The following FAIM variants were observed in gnomAD, a reference collection of about 807,000 sequenced individuals.
FAIM encodes Fas apoptotic inhibitory molecule, also known as fas apoptotic inhibitory molecule 1.
FAIM carries 14 observed loss-of-function variants against 21.2 expected under a neutral mutation model. The observed-to-expected ratio is 0.66, with a 90% CI of 0.44 to 1.03. The LOEUF is 1.03. Among genes scored for constraint, FAIM ranks in the 50% least tolerant of loss-of-function variants. The pLI is 0.00. For synonymous variants in FAIM, 86 were observed against 80.4 expected (o/e 1.07, Z -0.37); for missense variants, 222 against 247.1 (o/e 0.90, Z 0.68).
chr3:138,625,255 G>C (rs2042927214), intron 4 of FAIM, among the ~76,000 whole-genome samples: 1 of 152,120 alleles, frequency 6.6e-6, no homozygotes, highest in Non-Finnish European at 1.5e-5. Context: ...TTGAGGTCAG[G>C]AGTTCGAGAC....
intron 4 of FAIM, among the ~76,000 whole-genome samples, chr3:138,623,923 CAG>C (rs2042914187): frequency 6.6e-6 from 1 of 152,148 alleles, no homozygotes; most frequent in South Asian, 2.1e-4. Flanking sequence ...TTGTTCAGTA[CAG>C]AGTTTTAATT....
At chr3:138,621,794 T>C (rs572702985) in intron 3 of FAIM, among the ~76,000 whole-genome samples, 2 of 152,172 alleles carry the variant, frequency 1.3e-5, no homozygotes, top group African/African-American at 4.8e-5. Flanking sequence ...TTTTTTTTCT[T>C]TTTTTTGAGA....
At chr3:138,617,873 T>C (rs933261932) in intron 1 of FAIM, among the ~76,000 whole-genome samples, 1 of 146,738 alleles carries the variant, frequency 6.8e-6, no homozygotes, top group East Asian at 1.9e-4. Flanking sequence ...TAATTAGATA[T>C]CTAATTAGAT....
intron 5 of FAIM, 23 bp downstream of exon 5, chr3:138,629,179 C>T: frequency 6.3e-7 from 1 of 1,586,184 alleles, no homozygotes; most frequent in South Asian, 1.1e-5. Context: ...TTTGATGACT[C>T]TAAGTGCCAT....
chr3:138,613,196 T>C (rs111955139), intron 1 of FAIM, among the ~76,000 whole-genome samples: 38 of 152,058 alleles, frequency 2.5e-4, no homozygotes, highest in African/African-American at 8.9e-4. Flanking sequence ...TTTTTTGTAT[T>C]TTTAGTAGAA....
chr3:138,631,804 G>A (rs1230226233), intron 5 of FAIM, among the ~76,000 whole-genome samples: 1 of 152,050 alleles, frequency 6.6e-6, no homozygotes, highest in Non-Finnish European at 1.5e-5. Context: ...TATTAAAAAT[G>A]GGGACAAGAA....
intron 4 of FAIM, among the ~76,000 whole-genome samples, chr3:138,627,291 C>T (rs1217171997): frequency 3.3e-5 from 5 of 151,624 alleles, no homozygotes; most frequent in Admixed American, 6.6e-5. Flanking sequence ...AAGCAATTCT[C>T]CTGCCTCAGC....
At chr3:138,629,410 TCC>T (rs1439378872) in intron 5 of FAIM, 3 of 246,800 alleles carry the variant, frequency 1.2e-5, no homozygotes, top group African/African-American at 1.0e-4. Context: ...TGGACCAGGC[TCC>T]AGCATAGCAA....
At chr3:138,611,361 TATA>T (rs1467289873) in intron 1 of FAIM, among the ~76,000 whole-genome samples, 3 of 152,100 alleles carry the variant, frequency 2.0e-5, no homozygotes, top group African/African-American at 7.2e-5. Context: ...TTCTTTCTAA[TATA>T]ATTAACTTTT....
chr3:138,628,176 C>A (rs1276633026), intron 4 of FAIM, among the ~76,000 whole-genome samples: 1 of 152,152 alleles, frequency 6.6e-6, no homozygotes, highest in African/African-American at 2.4e-5. Context: ...AGTGTGCAGT[C>A]CACCAGCTAT....
At chr3:138,624,700 A>T (rs1001563531) in intron 4 of FAIM, among the ~76,000 whole-genome samples, 9 of 152,210 alleles carry the variant, frequency 5.9e-5, no homozygotes, top group Non-Finnish European at 1.2e-4. Flanking sequence ...TGCAGGCTCC[A>T]GGATCAGAGC....
At position 138,619,780 on chromosome 3, in the gene FAIM, T is replaced by C; in HGVS notation, c.44+10T>C. 1 of 1,609,624 alleles carries C rather than the reference T, an allele frequency of 6.2e-7. No individual in the cohort carries two copies. The highest frequency in any genetic ancestry group is 2.2e-5 in the East Asian group (1 of 44,802). Reference sequence around the variant, plus strand: ...TTGAAGATGATGAAAGGTAAATGTCTTATATTGCAGTAAACTAGCCTTTGA... The same window carrying C: ...TTGAAGATGATGAAAGGTAAATGTCCTATATTGCAGTAAACTAGCCTTTGA... On this transcript the variant is annotated intron_variant, in intron 2 of 5. Coordinates refer to ENST00000360570, the MANE Select transcript of FAIM (RefSeq NM_001033031.2).
At chr3:138,628,646 G>A (rs567345628) in intron 4 of FAIM, among the ~76,000 whole-genome samples, 26 of 151,920 alleles carry the variant, frequency 1.7e-4, no homozygotes, top group African/African-American at 2.9e-4. Context: ...CACCATGCCC[G>A]GCTAATTATT....
chr3:138,625,356 G>A (rs1435233235), intron 4 of FAIM, among the ~76,000 whole-genome samples: 1 of 151,984 alleles, frequency 6.6e-6, no homozygotes, highest in Admixed American at 6.6e-5. Context: ...CCAGCTACTC[G>A]GGAGGCTGAG....
intron 1 of FAIM, among the ~76,000 whole-genome samples, chr3:138,616,902 G>C (rs1205990304): frequency 1.3e-5 from 2 of 152,066 alleles, no homozygotes; most frequent in East Asian, 1.9e-4. Context: ...GAATTAGAAT[G>C]CTTCAAATTT....
chr3:138,629,155 C>A lies in FAIM; in HGVS notation c.455C>A (p.Ala152Glu), dbSNP rs141740200. The A allele has an allele frequency of 9.3e-6, 15 of 1,608,780 alleles. No homozygotes were observed. The highest frequency in any genetic ancestry group is 1.2e-5 in the Non-Finnish European group (14 of 1,177,072). Reference sequence around the variant, plus strand: ...TGCAATGGTAAAAAATTGGAGACAGCGGTAAGTTGACTATTTGATGACTCT... The same window carrying A: ...TGCAATGGTAAAAAATTGGAGACAGAGGTAAGTTGACTATTTGATGACTCT... ...VWCNGKKLETAGEFVDDGTET... is the reference protein window; with the variant it reads ...VWCNGKKLETEGEFVDDGTET... Residue 152 changes from alanine to glutamate, a missense_variant and splice_region_variant, in exon 5 of 6, where the codon GCG becomes GAG. By Grantham distance (107) the Ala-to-Glu change is moderately radical. Coordinates refer to ENST00000360570, the MANE Select transcript of FAIM (RefSeq NM_001033031.2).
In FAIM at chr3:138,617,858, TTATCTAATTAGA is replaced by T. The variant is rs1196419301; in HGVS notation, c.-16-1839_-16-1828del. On this transcript the variant is annotated intron_variant, in intron 1 of 5. Transcript: ENST00000360570. ...TATATCTATATATTATCTATCTATATTATCTAATTAGATATCTAATTAGATCATATAGATATA... is the reference window on the plus strand; with the variant it reads ...TATATCTATATATTATCTATCTATATTATCTAATTAGATCATATAGATATA... Among the ~76,000 whole-genome samples the T allele has an allele frequency of 5.4e-5, 8 of 146,860 alleles. No homozygotes were observed. In the East Asian group the frequency reaches 7.8e-4, roughly 14 times the overall value.
chr3:138,618,226 G>A (rs1391570566), intron 1 of FAIM, among the ~76,000 whole-genome samples: 1 of 151,982 alleles, frequency 6.6e-6, no homozygotes, highest in African/African-American at 2.4e-5. Flanking sequence ...TAATCCTTAA[G>A]AGTAGAAAAG....
At chr3:138,625,677 T>C (rs1324789133) in intron 4 of FAIM, among the ~76,000 whole-genome samples, 1 of 152,172 alleles carries the variant, frequency 6.6e-6, no homozygotes, top group Non-Finnish European at 1.5e-5. Context: ...CAAAACATTA[T>C]GATTTACTAA....
Sources: gnomAD v4.1 joint callset for allele counts (sites outside exome capture counted in the v4.1 genomes callset) on GRCh38, gnomAD v4.1.1 for gene constraint, MANE v1.5 for transcripts, NCBI Gene and HGNC (gene_info 2026-07-23, HGNC 2026-07-21) for gene names.